GRAMD2B: variants seen among roughly 807,000 people sequenced by gnomAD.
GRAMD2B encodes GRAM domain-containing protein 2B.
GRAMD2B carries 41 observed loss-of-function variants against 59.2 expected under a neutral mutation model. The ratio of observed to expected loss-of-function variants is 0.69; its 90% CI spans 0.54 to 0.90. GRAMD2B has a LOEUF of 0.90. Among genes scored for constraint, GRAMD2B ranks in the 40% least tolerant of loss-of-function variants. GRAMD2B has a pLI of 0.00. For missense variants in GRAMD2B, 424 were observed against 500.5 expected (o/e 0.85, Z 1.46); for synonymous variants, 161 against 182.7 (o/e 0.88, Z 0.96).
intron 1 of GRAMD2B, among the ~76,000 whole-genome samples, chr5:126,390,678 T>G (rs1035634659): frequency 3.9e-5 from 6 of 152,228 alleles, no homozygotes; most frequent in African/African-American, 1.4e-4. Flanking sequence ...GTGATAACTT[T>G]AATTCTGCTA....
intron 1 of GRAMD2B, among the ~76,000 whole-genome samples, chr5:126,456,386 T>G (rs4835902): frequency 0.1 from 6,822 of 65,358 alleles, 517 homozygotes; most frequent in African/African-American, 0.25. Context: ...AAATTTTTTG[T>G]TTTTTTTTGT....
rs564112151 is a variant in GRAMD2B, at chr5:126,371,555, C to A, written c.113C>A (p.Ser38Ter). The change falls in exon 1 of 9, where the codon TCG becomes TAG. Residue 38 changes from serine to a stop codon, truncating the protein, a stop_gained. Transcript: ENST00000506445. LOFTEE classifies it high-confidence loss of function. ...CGCAGCTCCACAGACAGCCCCAGCT[C>A]GGTGTTCCTCAGGTGGGTACAGCCT... 7.8e-7 allele frequency: 1 copy of A among 1,288,762 alleles called. No homozygotes were observed. The allele number at this position is 1,288,762 out of a possible 1,614,324, so 79.8% of individuals were successfully genotyped here.
intron 1 of GRAMD2B, among the ~76,000 whole-genome samples, chr5:126,428,834 A>C (rs567120814): frequency 6.6e-6 from 1 of 152,346 alleles, no homozygotes; most frequent in Admixed American, 6.5e-5. Flanking sequence ...AACCACAATG[A>C]AATTCCATCT....
At chr5:126,416,318 C>A (rs906162487) in intron 1 of GRAMD2B, among the ~76,000 whole-genome samples, 17 of 152,130 alleles carry the variant, frequency 1.1e-4, no homozygotes, top group African/African-American at 4.1e-4. Flanking sequence ...TGTCATATTT[C>A]TTTTTCGCTT....
In GRAMD2B at chr5:126,462,355, C is replaced by T. The variant is rs760830424; in HGVS notation, c.84-3071C>T. On this transcript the variant is annotated intron_variant, in intron 1 of 13. Transcript: ENST00000285689. Reference sequence around the variant, plus strand: ...AGGCCTTGAGGAAGCATTCCATTTCCCCTCCCACGCTGCTCACTCAAACAC... The same window carrying T: ...AGGCCTTGAGGAAGCATTCCATTTCTCCTCCCACGCTGCTCACTCAAACAC... 3.2e-6 allele frequency: 3 copies of T among 931,254 alleles called. No individual in the cohort carries two copies. In the African/African-American group the frequency reaches 5.4e-5, roughly 17 times the overall value. 57.7% of individuals were successfully genotyped at this position (931,254 alleles called of 1,614,324 possible).
At chr5:126,408,851 G>A (rs1157865791) in intron 1 of GRAMD2B, among the ~76,000 whole-genome samples, 5 of 89,420 alleles carry the variant, frequency 5.6e-5, no homozygotes, top group African/African-American at 1.8e-4. Context: ...CCCCCCACCC[G>A]ACAACAGTCC....
intron 1 of GRAMD2B, among the ~76,000 whole-genome samples, chr5:126,385,047 A>T (rs182861879): frequency 2.0e-5 from 3 of 152,358 alleles, no homozygotes; most frequent in African/African-American, 7.2e-5. Flanking sequence ...CAGGTAGGTT[A>T]TGGATGAATG....
At position 126,462,348 on chromosome 5, in the gene GRAMD2B, C is replaced by G. The variant is rs77131867; in HGVS notation, c.84-3078C>G. ...TTCCAAAAGGCCTTGAGGAAGCATT[C>G]CATTTCCCCTCCCACGCTGCTCACT... On this transcript the variant is annotated intron_variant, in intron 1 of 13. Transcript: ENST00000285689. The G allele has an allele frequency of 7.3e-4, 648 of 893,422 alleles. 8 individuals carry two copies. The African/African-American group carries it at 0.01, about 14-fold the overall frequency. The allele number at this position is 893,422 out of a possible 1,614,324, so 55.3% of individuals were successfully genotyped here.
At chr5:126,472,626 G>C (rs192557212) in intron 4 of GRAMD2B, among the ~76,000 whole-genome samples, 10 of 151,448 alleles carry the variant, frequency 6.6e-5, no homozygotes, top group Non-Finnish European at 1.3e-4. Context: ...TGGGGCAAGA[G>C]AGGCCACTAG....
At chr5:126,455,705 T>C (rs1766159316) in intron 1 of GRAMD2B, among the ~76,000 whole-genome samples, 1 of 152,252 alleles carries the variant, frequency 6.6e-6, no homozygotes, top group South Asian at 2.1e-4. Flanking sequence ...ATATAACAAA[T>C]AGAAATATAA....
chr5:126,410,064 C>T (rs1758643338), intron 1 of GRAMD2B, among the ~76,000 whole-genome samples: 1 of 151,756 alleles, frequency 6.6e-6, no homozygotes, highest in Non-Finnish European at 1.5e-5. Flanking sequence ...GTTTTGGTAC[C>T]AGTACCATGC....
intron 1 of GRAMD2B, among the ~76,000 whole-genome samples, chr5:126,412,895 G>T (rs189007472): frequency 1.2e-4 from 18 of 152,088 alleles, no homozygotes; most frequent in Admixed American, 3.3e-4. Context: ...TTATATGTAT[G>T]GAGGTGTTTA....
At chr5:126,367,458 G>T (rs1263668842), upstream of GRAMD2B, among the ~76,000 whole-genome samples, 1 of 151,616 alleles carries the variant, frequency 6.6e-6, no homozygotes, top group Non-Finnish European at 1.5e-5. Flanking sequence ...GGAGGAGGAG[G>T]AGGAGGAGGA....
At chr5:126,429,380 T>C (rs957711896) in intron 1 of GRAMD2B, among the ~76,000 whole-genome samples, 26 of 152,002 alleles carry the variant, frequency 1.7e-4, no homozygotes. Flanking sequence ...CTGGGATCTA[T>C]TGGAGGGTGG....
At chr5:126,419,044 A>C (rs1438377554), upstream of GRAMD2B, among the ~76,000 whole-genome samples, 1 of 152,200 alleles carries the variant, frequency 6.6e-6, no homozygotes, top group African/African-American at 2.4e-5. Context: ...GATGATACTT[A>C]CCTATACTTA....
intron 1 of GRAMD2B, among the ~76,000 whole-genome samples, chr5:126,428,335 A>G (rs991872679): frequency 1.3e-5 from 2 of 152,164 alleles, no homozygotes; most frequent in Non-Finnish European, 2.9e-5. Flanking sequence ...ATGAAAACTC[A>G]TATTTTAAAA....
chr5:126,447,388 C>T (rs1361098752), intron 1 of GRAMD2B, among the ~76,000 whole-genome samples: 4 of 152,128 alleles, frequency 2.6e-5, no homozygotes, highest in South Asian at 2.1e-4. Context: ...CTAGGCCGGG[C>T]GCAGTGGCTC....
At chr5:126,405,856 A>G (rs930030186) in intron 1 of GRAMD2B, among the ~76,000 whole-genome samples, 1 of 151,984 alleles carries the variant, frequency 6.6e-6, no homozygotes, top group Non-Finnish European at 1.5e-5. Context: ...TTCATAAACC[A>G]TGACTGATAT....
intron 1 of GRAMD2B, among the ~76,000 whole-genome samples, chr5:126,390,324 T>C (rs982722042): frequency 2.0e-5 from 3 of 152,278 alleles, no homozygotes; most frequent in Non-Finnish European, 4.4e-5. Context: ...CTGTAAAGCA[T>C]GGTAAATAGT....
Sources: allele counts gnomAD v4.1 joint callset (sites outside exome capture counted in the v4.1 genomes callset), GRCh38; gene constraint gnomAD v4.1.1; transcripts MANE v1.5; gene names NCBI Gene and HGNC (gene_info 2026-07-23, HGNC 2026-07-21).